The following PKN2 variants were observed in gnomAD, a reference collection of about 807,000 sequenced individuals.
The protein encoded by PKN2 is protein kinase N2.
Under a neutral mutation model 119.1 loss-of-function variants are expected in PKN2, and 38 were observed. That is an observed-to-expected ratio of 0.32 (90% CI 0.25 to 0.42). The LOEUF (loss-of-function observed/expected upper bound fraction) is 0.42. PKN2 is among the 10% of genes least tolerant of loss of function. The pLI is 1.00. For synonymous variants in PKN2, 390 were observed against 384.9 expected, an observed-to-expected ratio of 1.01 and a Z score of -0.15; for missense variants, 850 against 1,165.1, an observed-to-expected ratio of 0.73 and a Z score of 3.94.
chr1:88,784,794 C>G lies in PKN2; in HGVS notation c.1141C>G (p.Arg381Gly). Residue 381 changes from arginine to glycine, a missense_variant, in exon 7 of 22, where the codon CGA becomes GGA. Physicochemically the swap from Arg to Gly is moderately radical, Grantham distance 125 (BLOSUM62 -2). Transcript: ENST00000370521. ...GAGTAAAAGTAAAAGCGGAAGTAGT[C>G]GAAATCTTCTAAAAACCGATGACTT... ...RTSKSKSGSSRNLLKTDDLSN... is the reference protein window; with the variant it reads ...RTSKSKSGSSGNLLKTDDLSN... 1 of 1,609,814 alleles carries G rather than the reference C, an allele frequency of 6.2e-7. No homozygotes were observed.
intron 1 of PKN2, among the ~76,000 whole-genome samples, chr1:88,689,306 G>T (rs1311692488): frequency 6.6e-6 from 1 of 152,084 alleles, no homozygotes; most frequent in Non-Finnish European, 1.5e-5. Flanking sequence ...AAGTCCCATG[G>T]CTGTAGAGTC....
chr1:88,738,410 C>T (rs1466315537), intron 1 of PKN2, among the ~76,000 whole-genome samples: 1 of 152,056 alleles, frequency 6.6e-6, no homozygotes, highest in Non-Finnish European at 1.5e-5. Context: ...TTAACAGGGT[C>T]AAGAAGATAC....
intron 1 of PKN2, among the ~76,000 whole-genome samples, chr1:88,698,857 C>T (rs1023076363): frequency 4.6e-5 from 7 of 152,124 alleles, no homozygotes; most frequent in South Asian, 2.1e-4. Context: ...TCTTCATTTC[C>T]TAAATGTGTT....
chr1:88,730,580 T>G (rs305223), intron 1 of PKN2, among the ~76,000 whole-genome samples: 4,130 of 152,316 alleles, frequency 0.027, 182 homozygotes, highest in African/African-American at 0.094. Context: ...TGTGGTTACT[T>G]CTGGCTGCAG....
At chr1:88,704,885 A>G (rs1176533056) in intron 1 of PKN2, among the ~76,000 whole-genome samples, 5 of 152,014 alleles carry the variant, frequency 3.3e-5, no homozygotes, top group Non-Finnish European at 5.9e-5. Context: ...TTATAGCGAC[A>G]TCATACTGGT....
chr1:88,806,279 C>T (rs1249214859), intron 12 of PKN2: 4 of 385,212 alleles, frequency 1.0e-5, no homozygotes, highest in African/African-American at 2.1e-5. Context: ...AAGCCATTCT[C>T]CTATCTCAGC....
rs186731011 is a variant in PKN2, at chr1:88,805,437, T to G, written c.1502-60T>G. 49 of 1,352,930 alleles carry G rather than the reference T, an allele frequency of 3.6e-5. 1 individual carries two copies. The East Asian group carries it at 1.1e-3, about 30-fold the overall frequency. 83.8% of individuals were successfully genotyped at this position (1,352,930 alleles called of 1,614,324 possible). On this transcript the variant is annotated intron_variant, in intron 10 of 21. Transcript: ENST00000370521. ...CTAATGGATAAGAATTTTTAAATTA[T>G]GACTTTTGGTTATACATAAAGAAAT...
intron 15 of PKN2, among the ~76,000 whole-genome samples, chr1:88,811,247 G>A (rs558177524): frequency 6.6e-6 from 1 of 152,276 alleles, no homozygotes; most frequent in South Asian, 2.1e-4. Flanking sequence ...AGGGTTGGAA[G>A]TATATTTTTG....
At chr1:88,754,827 G>T (rs1278851337) in intron 2 of PKN2, among the ~76,000 whole-genome samples, 1 of 152,170 alleles carries the variant, frequency 6.6e-6, no homozygotes, top group East Asian at 1.9e-4. Context: ...ACCCAGACAT[G>T]CCTAAAATCT....
At chr1:88,783,884 C>T (rs1310702205) in intron 6 of PKN2, among the ~76,000 whole-genome samples, 1 of 152,126 alleles carries the variant, frequency 6.6e-6, no homozygotes, top group African/African-American at 2.4e-5. Context: ...TGTCATTTTA[C>T]ATCAAATAGA....
chr1:88,793,254 T>TA (rs1670921228), intron 8 of PKN2, among the ~76,000 whole-genome samples: 1 of 152,250 alleles, frequency 6.6e-6, no homozygotes, highest in African/African-American at 2.4e-5. Flanking sequence ...TAGATTTGTG[T>TA]ATTTTATGGT....
intron 6 of PKN2, among the ~76,000 whole-genome samples, chr1:88,772,835 A>G (rs1669949650): frequency 6.6e-6 from 1 of 152,208 alleles, no homozygotes; most frequent in Admixed American, 6.5e-5. Flanking sequence ...CCTCACCAAC[A>G]GTTAATATTT....
intron 10 of PKN2, among the ~76,000 whole-genome samples, 176 bp from the exon 11 acceptor site, chr1:88,805,321 G>A (rs1321475009): frequency 2.0e-5 from 3 of 151,976 alleles, no homozygotes; most frequent in Non-Finnish European, 4.4e-5. Flanking sequence ...TTAAAACTAC[G>A]TATGCTATTT....
chr1:88,716,785 C>G (rs1019645789), intron 1 of PKN2, among the ~76,000 whole-genome samples: 3 of 152,006 alleles, frequency 2.0e-5, no homozygotes, highest in African/African-American at 7.2e-5. Context: ...GGGCATTTAG[C>G]CCATTTACAT....
intron 8 of PKN2, among the ~76,000 whole-genome samples, chr1:88,795,481 T>A (rs1671024647): frequency 6.6e-6 from 1 of 152,234 alleles, no homozygotes; most frequent in Non-Finnish European, 1.5e-5. Context: ...GTGTTCAGAA[T>A]CTGTTCTTCC....
chr1:88,771,530 C>A lies in PKN2; in HGVS notation c.732C>A (p.Gly244=). ...CAAAGAATGTAATGAAATTACTTGGCTCAGGAAAAGTAACAGACAGAAAAG... is the reference window on the plus strand; with the variant it reads ...CAAAGAATGTAATGAAATTACTTGGATCAGGAAAAGTAACAGACAGAAAAG... ...EGAKNVMKLL[G]SGKVTDRKAL... Residue 244 remains glycine, a synonymous_variant, in exon 5 of 22, where the codon GGC becomes GGA. Transcript: ENST00000370521. 6.2e-7 allele frequency: 1 copy of A among 1,604,222 alleles called. No individual in the cohort carries two copies. The highest frequency in any genetic ancestry group is 8.5e-7 in the Non-Finnish European group (1 of 1,176,512).
intron 8 of PKN2, among the ~76,000 whole-genome samples, chr1:88,789,147 C>G (rs1670704871): frequency 6.6e-6 from 1 of 152,036 alleles, no homozygotes; most frequent in Admixed American, 6.6e-5. Context: ...AGTATAGAAG[C>G]AGTTAGGACA....
intron 8 of PKN2, among the ~76,000 whole-genome samples, chr1:88,799,876 A>G (rs1406337497): frequency 6.6e-6 from 1 of 152,186 alleles, no homozygotes; most frequent in Non-Finnish European, 1.5e-5. Context: ...TACTATCTGC[A>G]TGCTGCTAGG....
At chr1:88,753,929 A>T (rs1447096568) in intron 2 of PKN2, among the ~76,000 whole-genome samples, 1 of 152,154 alleles carries the variant, frequency 6.6e-6, no homozygotes, top group Non-Finnish European at 1.5e-5. Context: ...CTGTCATTTC[A>T]CCTTCTTCCA....
Sources: allele counts gnomAD v4.1 joint callset (sites outside exome capture counted in the v4.1 genomes callset), GRCh38; gene constraint gnomAD v4.1.1; transcripts MANE v1.5; gene names NCBI Gene and HGNC (gene_info 2026-07-23, HGNC 2026-07-21).